The following CTNNA3 variants were observed in gnomAD, a reference collection of about 807,000 sequenced individuals.
CTNNA3 encodes catenin alpha 3, also known as catenin alpha-3.
A neutral mutation model predicts 95.7 loss-of-function variants in CTNNA3; 76 were observed. The observed-to-expected ratio is 0.79, with a 90% CI of 0.66 to 0.96. The LOEUF (loss-of-function observed/expected upper bound fraction) is 0.96. Ranked by LOEUF, CTNNA3 falls within the 40% of genes least tolerant of loss-of-function variation. The pLI, the probability that CTNNA3 is intolerant of heterozygous loss-of-function variation, is 0.00. For synonymous variants in CTNNA3, 431 were observed against 374.4 expected, an observed-to-expected ratio of 1.15 and a Z score of -1.74; for missense variants, 1,191 against 1,089.8, an observed-to-expected ratio of 1.09 and a Z score of -1.31.
intron 5 of CTNNA3, among the ~76,000 whole-genome samples, chr10:67,464,344 C>T (rs116875311): frequency 0.029 from 4,387 of 152,192 alleles, 87 homozygotes; most frequent in South Asian, 0.098. Flanking sequence ...TAATAACTCG[C>T]GAATAAAAAG....
chr10:66,563,487 T>A (rs375270703), intron 10 of CTNNA3, among the ~76,000 whole-genome samples: 22 of 152,060 alleles, frequency 1.4e-4, no homozygotes, highest in African/African-American at 5.3e-4. Flanking sequence ...GAAAAAAAGA[T>A]TTTTTAAAGA....
chr10:66,602,420 T>C (rs1843961967), intron 10 of CTNNA3, among the ~76,000 whole-genome samples: 1 of 151,968 alleles, frequency 6.6e-6, no homozygotes, highest in African/African-American at 2.4e-5. Flanking sequence ...AATCTAAGTG[T>C]GAACCACCTA....
chr10:67,345,231 T>C (rs1284272652), intron 5 of CTNNA3, among the ~76,000 whole-genome samples: 1 of 152,296 alleles, frequency 6.6e-6, no homozygotes, highest in East Asian at 1.9e-4. Context: ...TTCTTTTGAA[T>C]GTTTTAAGAC....
At chr10:66,896,322 T>C (rs2132509504) in intron 7 of CTNNA3, among the ~76,000 whole-genome samples, 1 of 152,318 alleles carries the variant, frequency 6.6e-6, no homozygotes, top group African/African-American at 2.4e-5. Flanking sequence ...TAATGGACTC[T>C]ATAAAACAGA....
chr10:67,362,851 G>T (rs1023861173), intron 5 of CTNNA3, among the ~76,000 whole-genome samples: 13 of 149,994 alleles, frequency 8.7e-5, no homozygotes, highest in African/African-American at 3.2e-4. Flanking sequence ...TCTATACTTA[G>T]AAAACCCTGA....
intron 16 of CTNNA3, among the ~76,000 whole-genome samples, chr10:65,982,490 C>T (rs1421784049): frequency 1.3e-5 from 2 of 150,654 alleles, no homozygotes; most frequent in African/African-American, 4.9e-5. Flanking sequence ...GATCTAGTAA[C>T]CCCACTACTA....
chr10:66,621,641 A>G (rs1844753459), intron 10 of CTNNA3, 51 bp downstream of exon 10: 14 of 1,083,054 alleles, frequency 1.3e-5, no homozygotes, highest in Non-Finnish European at 1.6e-5. Context: ...GCATAAAAGC[A>G]TTAGGAATTA....
chr10:66,288,595 T>G (rs2091629207), intron 12 of CTNNA3, among the ~76,000 whole-genome samples: 1 of 152,114 alleles, frequency 6.6e-6, no homozygotes, highest in African/African-American at 2.4e-5. Context: ...AATTAAACAT[T>G]TATTTCCTTA....
At chr10:67,212,793 T>C (rs1864189320) in intron 6 of CTNNA3, among the ~76,000 whole-genome samples, 3 of 151,928 alleles carry the variant, frequency 2.0e-5, no homozygotes, top group Admixed American at 2.0e-4. Flanking sequence ...CTGGAATAAA[T>C]TCAACTTTGT....
chr10:67,267,188 TAAG>T (rs575776750), intron 5 of CTNNA3, among the ~76,000 whole-genome samples: 1 of 152,058 alleles, frequency 6.6e-6, no homozygotes. Flanking sequence ...AAAAGAAATA[TAAG>T]AACAAACTGT....
At chr10:66,768,717 A>G (rs1839964106) in intron 8 of CTNNA3, among the ~76,000 whole-genome samples, 1 of 152,118 alleles carries the variant, frequency 6.6e-6, no homozygotes, top group Admixed American at 6.6e-5. Flanking sequence ...CTTATAATCT[A>G]GTAGAAGAGT....
chr10:67,194,906 G>A (rs1369995877), intron 6 of CTNNA3, among the ~76,000 whole-genome samples: 2 of 151,898 alleles, frequency 1.3e-5, no homozygotes, highest in South Asian at 2.1e-4. Flanking sequence ...AAAAAAATTA[G>A]TATTACAGAA....
At chr10:67,652,134 G>A (rs1199448943) in intron 1 of CTNNA3, among the ~76,000 whole-genome samples, 1 of 152,190 alleles carries the variant, frequency 6.6e-6, no homozygotes, top group South Asian at 2.1e-4. Flanking sequence ...ATCTTCGCAT[G>A]GCAGATAGCA....
intron 7 of CTNNA3, among the ~76,000 whole-genome samples, chr10:66,868,546 T>A: frequency 6.6e-6 from 1 of 151,234 alleles, no homozygotes. Flanking sequence ...TGAGGTTGAG[T>A]TCGAGACCAG....
Position 66,407,826 on chromosome 10 carries a change from G to A in CTNNA3, c.1532-28474C>T, listed in dbSNP as rs997644530. 4.1e-4 allele frequency among the ~76,000 whole-genome samples: 63 copies of A among 152,054 alleles called. 1 individual carries two copies. The highest frequency in any genetic ancestry group is 1.4e-3 in the African/African-American group (56 of 41,402). On this transcript the variant is annotated intron_variant, in intron 11 of 17. Transcript: ENST00000433211. ...GATCTCCTGACCTTGCGATCCACCCGCCCTGGCCTCCCAAAGTGCTGGGAT... is the reference window on the plus strand; with the variant it reads ...GATCTCCTGACCTTGCGATCCACCCACCCTGGCCTCCCAAAGTGCTGGGAT...
intron 9 of CTNNA3, among the ~76,000 whole-genome samples, chr10:66,663,716 A>G (rs2132449751): frequency 6.6e-6 from 1 of 152,284 alleles, no homozygotes; most frequent in African/African-American, 2.4e-5. Flanking sequence ...CATAACTCTA[A>G]AAAGTTAATC....
At chr10:67,451,827 T>G (rs1474557460) in intron 5 of CTNNA3, among the ~76,000 whole-genome samples, 1 of 152,204 alleles carries the variant, frequency 6.6e-6, no homozygotes, top group East Asian at 1.9e-4. Flanking sequence ...TTTCCTTACT[T>G]CATATTTTAC....
intron 11 of CTNNA3, among the ~76,000 whole-genome samples, chr10:66,485,927 A>G (rs1291340970): frequency 1.3e-5 from 2 of 152,178 alleles, no homozygotes; most frequent in African/African-American, 4.8e-5. Context: ...AAACCCATGC[A>G]TTTACAGTCA....
chr10:66,036,531 C>T (rs1190189434), intron 15 of CTNNA3, among the ~76,000 whole-genome samples: 2 of 151,758 alleles, frequency 1.3e-5, no homozygotes, highest in Non-Finnish European at 2.9e-5. Context: ...TGTACCACCA[C>T]GCCCTGCTAA....
Sources: allele counts gnomAD v4.1 joint callset (sites outside exome capture counted in the v4.1 genomes callset), GRCh38; gene constraint gnomAD v4.1.1; transcripts MANE v1.5; gene names NCBI Gene and HGNC (gene_info 2026-07-23, HGNC 2026-07-21).